The following LARP4B variants were observed in gnomAD, a reference collection of about 807,000 sequenced individuals.
The protein encoded by LARP4B is La ribonucleoprotein 4B, also known as la-related protein 4B.
LARP4B carries 12 observed loss-of-function variants against 89.8 expected under a neutral mutation model. The ratio of observed to expected loss-of-function variants is 0.13; its 90% CI spans 0.09 to 0.22. The LOEUF is 0.22. Ranked by LOEUF, LARP4B falls within the 10% of genes least tolerant of loss-of-function variation. LARP4B has a pLI of 1.00. For missense variants in LARP4B, 757 were observed against 947.7 expected, an observed-to-expected ratio of 0.80 and a Z score of 2.64; for synonymous variants, 367 against 363.3, an observed-to-expected ratio of 1.01 and a Z score of -0.12.
chr10:871,067 G>A (rs930634035), intron 3 of LARP4B, among the ~76,000 whole-genome samples: 2 of 152,158 alleles, frequency 1.3e-5, no homozygotes, highest in East Asian at 1.9e-4. Flanking sequence ...CCACTCATAG[G>A]TTGTTTTAGA....
intron 5 of LARP4B, among the ~76,000 whole-genome samples, chr10:861,923 A>T (rs1235938516): frequency 6.6e-6 from 1 of 152,170 alleles, no homozygotes; most frequent in Non-Finnish European, 1.5e-5. Flanking sequence ...CTTTTGTAAA[A>T]ATCTGTTTTA....
intron 1 of LARP4B, among the ~76,000 whole-genome samples, chr10:923,132 C>G (rs1168653298): frequency 6.6e-6 from 1 of 151,960 alleles, no homozygotes; most frequent in Non-Finnish European, 1.5e-5. Flanking sequence ...TCACAGTAAG[C>G]TACTGTATTT....
At chr10:870,681 T>C (rs989435371) in intron 3 of LARP4B, among the ~76,000 whole-genome samples, 23 of 152,232 alleles carry the variant, frequency 1.5e-4, no homozygotes, top group African/African-American at 5.5e-4. Context: ...CTGGGGTCAA[T>C]ACTATCTTTC....
At chr10:920,139 G>T (rs571536587) in intron 1 of LARP4B, among the ~76,000 whole-genome samples, 2 of 152,152 alleles carry the variant, frequency 1.3e-5, no homozygotes, top group African/African-American at 4.8e-5. Context: ...ATACCACAGC[G>T]GAGGGTGCGC....
At chr10:867,327 T>C (rs1366480150) in intron 3 of LARP4B, among the ~76,000 whole-genome samples, 3 of 152,168 alleles carry the variant, frequency 2.0e-5, no homozygotes, top group Non-Finnish European at 2.9e-5. Context: ...ACTGGACTCA[T>C]TTCACAAATG....
the LARP4B span, among the ~76,000 whole-genome samples, chr10:966,086 A>T: frequency 8.0e-5 from 7 of 87,068 alleles, no homozygotes; most frequent in African/African-American, 2.1e-4. Flanking sequence ...GTGTGTGTGT[A>T]TGAGATTTTA....
chr10:848,787 A>G (rs1433420337), intron 5 of LARP4B, among the ~76,000 whole-genome samples: 3 of 152,168 alleles, frequency 2.0e-5, no homozygotes, highest in Admixed American at 6.5e-5. Flanking sequence ...CAAGTGTAAC[A>G]GCAGACCCTG....
At chr10:843,157 T>C (rs1461061549) in intron 6 of LARP4B, 89 bp from the exon 7 acceptor site, 5 of 1,135,388 alleles carry the variant, frequency 4.4e-6, no homozygotes, top group Non-Finnish European at 6.4e-6. Flanking sequence ...GAGGCGTGAG[T>C]GTGGCATGGT....
Position 924,366 on chromosome 10 carries a change from A to C in LARP4B, c.-40+7062T>G, listed in dbSNP as rs369188305. On this transcript the variant is annotated intron_variant, in intron 1 of 17. Coordinates refer to ENST00000316157, the MANE Select transcript of LARP4B (RefSeq NM_015155.3). ...ACTATGAAGAGAGGTGTACACAAGA[A>C]GAAAGAGATTCCCTACCTTGCCGCC... The C allele has an allele frequency of 2.6e-5, 4 of 152,384 alleles. No homozygotes were observed. The East Asian group carries it at 7.7e-4, about 29-fold the overall frequency. 9.4% of individuals were successfully genotyped at this position (152,384 alleles called of 1,614,324 possible).
chr10:828,407 G>A (rs1832731612), intron 11 of LARP4B, among the ~76,000 whole-genome samples: 1 of 152,170 alleles, frequency 6.6e-6, no homozygotes, highest in Admixed American at 6.5e-5. Flanking sequence ...AGCCTGAGTT[G>A]TTTCATGGAC....
the LARP4B span, among the ~76,000 whole-genome samples, chr10:960,707 C>CA: frequency 3.8e-4 from 25 of 65,888 alleles, 1 homozygote; most frequent in African/African-American, 1.6e-3. Context: ...GACTCTGTCT[C>CA]AAAAAAAAAA....
the LARP4B span, among the ~76,000 whole-genome samples, chr10:952,339 CAAAAAAAAAAA>C: frequency 1.8e-4 from 3 of 16,952 alleles, no homozygotes; most frequent in Admixed American, 1.5e-3. Flanking sequence ...GACTCCATCT[CAAAAAAAAAAA>C]AAAAAAAAAA....
the LARP4B span, chr10:985,618 G>A: frequency 3.9e-5 from 6 of 152,254 alleles, no homozygotes; most frequent in African/African-American, 1.4e-4. Context: ...TCCACCTAAG[G>A]AGGTGTTTCC....
Position 864,106 on chromosome 10 carries a change from G to C in LARP4B, c.289+17C>G, listed in dbSNP as rs777646841. The C allele has an allele frequency of 6.2e-7, 1 of 1,613,876 alleles. No individual in the cohort carries two copies. On this transcript the variant is annotated intron_variant, in intron 4 of 17. Transcript: ENST00000316157. ...CTGAAAGCAGGGGGCTGCACACCACGGCCATGCTCAACTTACCCTGCGGGC... is the reference window on the plus strand; with the variant it reads ...CTGAAAGCAGGGGGCTGCACACCACCGCCATGCTCAACTTACCCTGCGGGC...
chr10:849,462 AAAAC>A (rs1833936324), intron 5 of LARP4B, among the ~76,000 whole-genome samples: 1 of 152,244 alleles, frequency 6.6e-6, no homozygotes, highest in Non-Finnish European at 1.5e-5. Context: ...CCAAAAGTAT[AAAAC>A]AAACATTCTG....
At chr10:857,646 T>TCTGCATAC (rs1307632867) in intron 5 of LARP4B, among the ~76,000 whole-genome samples, 9 of 152,210 alleles carry the variant, frequency 5.9e-5, no homozygotes, top group African/African-American at 2.2e-4. Context: ...CTCGGGAGTT[T>TCTGCATAC]GTCTTAATAA....
chr10:814,685 C>G lies in LARP4B; in HGVS notation c.1929+57G>C. On this transcript the variant is annotated intron_variant, in intron 17 of 17. Coordinates refer to ENST00000316157, the MANE Select transcript of LARP4B (RefSeq NM_015155.3). The surrounding 1 kb of genome is among the most constrained non-coding windows in gnomAD (Gnocchi z 4.4). The stretch of plus-strand genomic sequence containing the variant: ...GAGCAGGTGCAGGAGTGCGCAGCGT[C>G]TGTTCACACCAGAGCCTCGCGGCTG... 6 of 1,555,864 alleles carry G rather than the reference C, an allele frequency of 3.9e-6. No homozygotes were observed. Among genetic ancestry groups the G allele is most frequent in the Non-Finnish European group, 5.2e-6 (6 of 1,149,282 alleles).
intron 5 of LARP4B, among the ~76,000 whole-genome samples, chr10:856,336 T>C (rs781473060): frequency 2.6e-5 from 4 of 152,088 alleles, no homozygotes; most frequent in African/African-American, 4.8e-5. Flanking sequence ...GATATATGCA[T>C]TACAAAAAAA....
At position 816,542 on chromosome 10, in the gene LARP4B, C is replaced by T. The variant is rs139165252; in HGVS notation, c.1695+1183G>A. 3.1e-3 allele frequency among the ~76,000 whole-genome samples: 471 copies of T among 152,350 alleles called. 1 individual carries two copies. Among genetic ancestry groups the T allele is most frequent in the African/African-American group, 0.011 (443 of 41,578 alleles). ...AGAGAAACCTTACACAAGACTCAAA[C>T]TGGGCACAGCAGGAGCTGCTGTTTC... On this transcript the variant is annotated intron_variant, in intron 15 of 17. Coordinates refer to ENST00000316157, the MANE Select transcript of LARP4B (RefSeq NM_015155.3).
Sources: allele counts gnomAD v4.1 joint callset (sites outside exome capture counted in the v4.1 genomes callset), GRCh38; gene constraint gnomAD v4.1.1; non-coding constraint Gnocchi (gnomAD v3.1); transcripts MANE v1.5; gene names NCBI Gene and HGNC (gene_info 2026-07-23, HGNC 2026-07-21).